Variants in DIAPH3 observed in about 807,000 individuals in gnomAD.
DIAPH3 encodes the protein protein diaphanous homolog 3.
In DIAPH3, 117 loss-of-function variants were observed where a neutral mutation model predicts 144.3. The observed-to-expected ratio is 0.81, with a 90% CI of 0.70 to 0.95. The LOEUF (loss-of-function observed/expected upper bound fraction) is 0.95. Among genes scored for constraint, DIAPH3 ranks in the 40% least tolerant of loss-of-function variants. DIAPH3 has a pLI of 0.00. For synonymous variants in DIAPH3, 519 were observed against 488.9 expected (o/e 1.06, Z -0.81); for missense variants, 1,421 against 1,412.7 (o/e 1.01, Z -0.09).
intron 27 of DIAPH3, among the ~76,000 whole-genome samples, chr13:59,723,387 C>T (rs183098719): frequency 2.8e-4 from 42 of 152,234 alleles, no homozygotes; most frequent in African/African-American, 8.9e-4. Flanking sequence ...GCTCCTGCTA[C>T]GCATCCATCC....
At chr13:60,047,553 T>C (rs1464766956) in intron 4 of DIAPH3, among the ~76,000 whole-genome samples, 2 of 152,170 alleles carry the variant, frequency 1.3e-5, no homozygotes, top group African/African-American at 2.4e-5. Context: ...GTTGTCAATA[T>C]GATTCAATGG....
chr13:59,993,430 G>T (rs2051968673), intron 9 of DIAPH3, among the ~76,000 whole-genome samples: 2 of 151,302 alleles, frequency 1.3e-5, no homozygotes, highest in South Asian at 2.1e-4. Context: ...AAGAACTACT[G>T]GACTACTGAT....
chr13:59,812,723 G>GGTCAGGCCA (rs1304747317), intron 24 of DIAPH3, among the ~76,000 whole-genome samples: 1 of 152,044 alleles, frequency 6.6e-6, no homozygotes, highest in Non-Finnish European at 1.5e-5. Context: ...CCAGTATAAA[G>GGTCAGGCCA]GTATAAGATG....
intron 27 of DIAPH3, among the ~76,000 whole-genome samples, chr13:59,715,665 T>C (rs1325326569): frequency 6.6e-6 from 1 of 152,126 alleles, no homozygotes; most frequent in Non-Finnish European, 1.5e-5. Flanking sequence ...TTCCATAGTT[T>C]GTCCCAATTA....
chr13:59,944,473 A>C (rs892095900), intron 17 of DIAPH3, among the ~76,000 whole-genome samples: 5 of 152,152 alleles, frequency 3.3e-5, no homozygotes, highest in Admixed American at 1.3e-4. Context: ...GTAGAAGAAA[A>C]TTTGACTAAA....
chr13:60,026,086 T>C (rs1296658162), intron 5 of DIAPH3, among the ~76,000 whole-genome samples: 2 of 152,198 alleles, frequency 1.3e-5, no homozygotes, highest in Non-Finnish European at 2.9e-5. Context: ...TATGTGTAGC[T>C]ATACAAACAT....
chr13:59,873,872 A>G (rs968325338), intron 21 of DIAPH3, among the ~76,000 whole-genome samples: 5 of 151,926 alleles, frequency 3.3e-5, no homozygotes, highest in Non-Finnish European at 4.4e-5. Flanking sequence ...GGGTTTCTCT[A>G]TGTTGGCCAG....
At chr13:59,702,377 A>T (rs1358019332) in intron 27 of DIAPH3, among the ~76,000 whole-genome samples, 2 of 152,234 alleles carry the variant, frequency 1.3e-5, no homozygotes, top group African/African-American at 4.8e-5. Context: ...ACAAAATGTG[A>T]GAAATCTGAA....
intron 25 of DIAPH3, among the ~76,000 whole-genome samples, chr13:59,809,279 G>C (rs956040281): frequency 6.6e-6 from 1 of 151,994 alleles, no homozygotes; most frequent in African/African-American, 2.4e-5. Flanking sequence ...AGGTGGGTGG[G>C]TCACCTGAGG....
intron 20 of DIAPH3, among the ~76,000 whole-genome samples, chr13:59,895,643 CA>C (rs1403183649): frequency 6.6e-6 from 1 of 152,192 alleles, no homozygotes; most frequent in Admixed American, 6.5e-5. Flanking sequence ...TCAGGAGCCA[CA>C]ACGTGAATGA....
At chr13:59,671,363 C>T (rs1803183730) in intron 27 of DIAPH3, among the ~76,000 whole-genome samples, 3 of 152,244 alleles carry the variant, frequency 2.0e-5, no homozygotes, top group Middle Eastern at 6.8e-3. Flanking sequence ...AAAAGACAAG[C>T]GTTTCTATTT....
chr13:59,755,633 T>C (rs1792739436), intron 27 of DIAPH3, among the ~76,000 whole-genome samples: 1 of 152,140 alleles, frequency 6.6e-6, no homozygotes, highest in South Asian at 2.1e-4. Flanking sequence ...AGGGGCTATT[T>C]TTTATCTTTA....
intron 27 of DIAPH3, among the ~76,000 whole-genome samples, chr13:59,711,311 T>C (rs2034725345): frequency 6.6e-6 from 1 of 152,204 alleles, no homozygotes; most frequent in Non-Finnish European, 1.5e-5. Flanking sequence ...ACAGCCCTTC[T>C]GAGCATCCTG....
At chr13:60,006,336 T>G (rs755063069) in intron 9 of DIAPH3, among the ~76,000 whole-genome samples, 5 of 152,162 alleles carry the variant, frequency 3.3e-5, no homozygotes, top group Non-Finnish European at 7.4e-5. Flanking sequence ...CCTTACAGTT[T>G]AAAACCTCAT....
chr13:59,884,357 A>G (rs1436814974), intron 20 of DIAPH3, among the ~76,000 whole-genome samples: 4 of 152,150 alleles, frequency 2.6e-5, no homozygotes, highest in African/African-American at 4.8e-5. Flanking sequence ...GTAATAATAG[A>G]AATAAATGCA....
intron 22 of DIAPH3, among the ~76,000 whole-genome samples, chr13:59,856,220 C>T (rs2043245209): frequency 6.6e-6 from 1 of 152,252 alleles, no homozygotes; most frequent in South Asian, 2.1e-4. Flanking sequence ...CACAGCAGCT[C>T]TACAACTGCT....
chr13:59,779,132 C>G (rs1254403859), intron 25 of DIAPH3, among the ~76,000 whole-genome samples: 1 of 152,188 alleles, frequency 6.6e-6, no homozygotes, highest in Non-Finnish European at 1.5e-5. Flanking sequence ...GGAACCTCTA[C>G]CCCTGCTCTC....
chr13:59,716,418 G>T (rs148084461), intron 27 of DIAPH3, among the ~76,000 whole-genome samples: 6,521 of 152,212 alleles, frequency 0.043, 233 homozygotes, highest in Admixed American at 0.1. Flanking sequence ...CTTGTGATCT[G>T]CCCGCCTTTG....
At chr13:60,162,337 CA>C (rs1400191197) in intron 1 of DIAPH3, among the ~76,000 whole-genome samples, 1 of 151,984 alleles carries the variant, frequency 6.6e-6, no homozygotes, top group Non-Finnish European at 1.5e-5. Flanking sequence ...GAAGTTAAAA[CA>C]AAATAAAATA....
Sources: gnomAD v4.1 joint callset for allele counts (sites outside exome capture counted in the v4.1 genomes callset) on GRCh38, gnomAD v4.1.1 for gene constraint, MANE v1.5 for transcripts, NCBI Gene and HGNC (gene_info 2026-07-23, HGNC 2026-07-21) for gene names.